Variants in SEMA3E observed in about 807,000 individuals in gnomAD.
The protein encoded by SEMA3E is semaphorin 3E, also known as semaphorin-3E.
In SEMA3E, 49 loss-of-function variants were observed where a neutral mutation model predicts 93.6. That is an observed-to-expected ratio of 0.52 (90% CI 0.42 to 0.66). The LOEUF is 0.66. SEMA3E is among the 30% of genes least tolerant of loss of function. The probability of loss-of-function intolerance (pLI) is 0.00; values close to 1 mark genes in which losing one functional copy is unlikely to be tolerated. For missense variants in SEMA3E, 906 were observed against 964.8 expected, an observed-to-expected ratio of 0.94 and a Z score of 0.81; for synonymous variants, 363 against 330.7, an observed-to-expected ratio of 1.10 and a Z score of -1.06.
Position 83,608,721 on chromosome 7 carries a change from T to G in SEMA3E, c.115+39707A>C, listed in dbSNP as rs547556739. Among the ~76,000 whole-genome samples, 113 of 152,228 alleles carry G rather than the reference T, an allele frequency of 7.4e-4. 1 individual carries two copies. The Middle Eastern group carries it at 0.01, about 14-fold the overall frequency. ...TCATGGATTGTCTTTTGGGGATCCA[T>G]GAATTGTTTGAATTCGTATGCAAGA... On this transcript the variant is annotated intron_variant, in intron 1 of 16. Coordinates refer to ENST00000643230, the MANE Select transcript of SEMA3E (RefSeq NM_012431.3).
At chr7:83,596,917 T>C (rs776153278) in intron 1 of SEMA3E, among the ~76,000 whole-genome samples, 1 of 152,158 alleles carries the variant, frequency 6.6e-6, no homozygotes. Context: ...TTTAGGAAAC[T>C]CTTCATCCTA....
Position 83,406,076 on chromosome 7 carries a change from G to A in SEMA3E, c.814-17C>T. On this transcript the variant is annotated splice_polypyrimidine_tract_variant and intron_variant, in intron 7 of 16. Transcript: ENST00000643230. ...TACATCATTCTGTGAAAACCAAAAA[G>A]GAGGTAAATAGTTACCTAAAGAATT... 6.4e-7 allele frequency: 1 copy of A among 1,552,966 alleles called. No homozygotes were observed. The highest frequency in any genetic ancestry group is 8.9e-7 in the Non-Finnish European group (1 of 1,124,704).
intron 1 of SEMA3E, among the ~76,000 whole-genome samples, chr7:83,548,608 T>C (rs1639306): frequency 0.33 from 50,576 of 151,776 alleles, 10,326 homozygotes; most frequent in African/African-American, 0.57. Flanking sequence ...GTCCACCTGG[T>C]CACCTCTGTT....
At position 83,403,988 on chromosome 7, in the gene SEMA3E, G is replaced by A. The variant is rs529179602; in HGVS notation, c.999-1212C>T. On this transcript the variant is annotated intron_variant, in intron 9 of 16. Transcript: ENST00000643230. ...TTGATTTCTCAGAAAGATCCATTACGCTATCATTTAGGAAAATAGCTTATA... is the reference window on the plus strand; with the variant it reads ...TTGATTTCTCAGAAAGATCCATTACACTATCATTTAGGAAAATAGCTTATA... 6.6e-5 allele frequency among the ~76,000 whole-genome samples: 10 copies of A among 151,958 alleles called. No individual in the cohort carries two copies. In the East Asian group the frequency reaches 1.9e-3, roughly 29 times the overall value.
chr7:83,491,261 T>C (rs73174570), intron 1 of SEMA3E, among the ~76,000 whole-genome samples: 4,425 of 152,158 alleles, frequency 0.029, 92 homozygotes, highest in African/African-American at 0.061. Flanking sequence ...AGCTGAAGTA[T>C]ATGCCTCTGT....
At chr7:83,470,862 C>CTTTTTTTTTTTTTTTT (rs60392556) in intron 2 of SEMA3E, among the ~76,000 whole-genome samples, 5 of 139,940 alleles carry the variant, frequency 3.6e-5, no homozygotes, top group African/African-American at 5.3e-5. Flanking sequence ...CCCACATTTT[C>CTTTTTTTTTTTTTTTT]TTTTTTTTTT....
intron 1 of SEMA3E, among the ~76,000 whole-genome samples, chr7:83,533,812 T>C (rs1264655958): frequency 6.6e-6 from 1 of 152,048 alleles, no homozygotes; most frequent in Non-Finnish European, 1.5e-5. Context: ...ATATTTGGAA[T>C]TGTGGCTGGC....
chr7:83,624,297 C>T (rs1480630862), intron 1 of SEMA3E, among the ~76,000 whole-genome samples: 1 of 152,172 alleles, frequency 6.6e-6, no homozygotes, highest in East Asian at 1.9e-4. Context: ...GAGGAATCGT[C>T]ACACTGTCTT....
chr7:83,418,344 A>C (rs543026751), intron 5 of SEMA3E, 46 bp downstream of exon 5: 1 of 1,329,520 alleles, frequency 7.5e-7, no homozygotes, highest in Non-Finnish European at 1.1e-6. Context: ...TATATGTTTT[A>C]AAATCCTTAT....
intron 2 of SEMA3E, among the ~76,000 whole-genome samples, chr7:83,474,095 T>TAAAAAAAAAAAA (rs11324407): frequency 2.8e-5 from 3 of 108,596 alleles, no homozygotes; most frequent in Non-Finnish European, 5.7e-5. Context: ...CTATCTCAAT[T>TAAAAAAAAAAAA]AAAAAAAAAA....
chr7:83,553,202 A>G (rs1307510899), intron 1 of SEMA3E, among the ~76,000 whole-genome samples: 1 of 152,158 alleles, frequency 6.6e-6, no homozygotes, highest in Non-Finnish European at 1.5e-5. Context: ...CGGCCAGCCG[A>G]CACTTATGGA....
chr7:83,593,292 G>C (rs1973433), intron 1 of SEMA3E, among the ~76,000 whole-genome samples: 2,113 of 35,890 alleles, frequency 0.059, 43 homozygotes, highest in African/African-American at 0.26. Flanking sequence ...CTCTGTGTGT[G>C]TGTGTGTGTG....
chr7:83,602,445 C>T (rs1793015244), intron 1 of SEMA3E, among the ~76,000 whole-genome samples: 1 of 151,850 alleles, frequency 6.6e-6, no homozygotes, highest in African/African-American at 2.4e-5. Flanking sequence ...ATGCCCTCAT[C>T]TTACCTAGAG....
rs549886552 is a variant in SEMA3E, at chr7:83,484,288, CT to C, written c.276+5825del. 8.0e-3 allele frequency among the ~76,000 whole-genome samples: 1,219 copies of C among 152,308 alleles called. 12 individuals carry two copies. The highest frequency in any genetic ancestry group is 0.012 in the Admixed American group (190 of 15,300). On this transcript the variant is annotated intron_variant, in intron 2 of 16. Transcript: ENST00000643230. Reference sequence around the variant, plus strand: ...AATAAAGATTTAAAATAATAAAACCCTAGCTGCTTTAAACTTCATATGGTCA... The same window carrying C: ...AATAAAGATTTAAAATAATAAAACCCAGCTGCTTTAAACTTCATATGGTCA...
chr7:83,364,054 C>T lies in SEMA3E; in HGVS notation c.*3532G>A, dbSNP rs931870509. The T allele has an allele frequency of 2.7e-5, 4 of 150,726 alleles. No individual in the cohort carries two copies. Among genetic ancestry groups the T allele is most frequent in the African/African-American group, 9.8e-5 (4 of 41,008 alleles). 9.3% of individuals were successfully genotyped at this position (150,726 alleles called of 1,614,324 possible). ...GGACTACAGGCGCCCGCCACCGCGC[C>T]CGGCTAATTTTTTGTATTTTTAGTA... On this transcript the variant is annotated 3_prime_UTR_variant, in exon 17 of 17. Coordinates refer to ENST00000643230, the MANE Select transcript of SEMA3E (RefSeq NM_012431.3).
intron 4 of SEMA3E, among the ~76,000 whole-genome samples, chr7:83,425,222 G>GA (rs11359603): frequency 0.24 from 35,615 of 149,074 alleles, 4,474 homozygotes; most frequent in Middle Eastern, 0.36. Context: ...TTCAATACTT[G>GA]AAAAAAAAAA....
intron 1 of SEMA3E, among the ~76,000 whole-genome samples, chr7:83,533,457 T>C (rs1791345856): frequency 6.6e-6 from 1 of 152,102 alleles, no homozygotes; most frequent in African/African-American, 2.4e-5. Context: ...GGCAGGAGAA[T>C]GGCTTGAACC....
intron 1 of SEMA3E, among the ~76,000 whole-genome samples, chr7:83,564,606 A>C (rs2115846028): frequency 6.6e-6 from 1 of 152,322 alleles, no homozygotes; most frequent in East Asian, 1.9e-4. Flanking sequence ...TGTTGCTAAC[A>C]GTTAAATTAA....
chr7:83,536,205 A>AT (rs201674365), intron 1 of SEMA3E, among the ~76,000 whole-genome samples: 2,324 of 151,986 alleles, frequency 0.015, 56 homozygotes, highest in African/African-American at 0.05. Context: ...CCAGCTTTTG[A>AT]TTTTTTTTAA....
Sources: gnomAD v4.1 joint callset for allele counts (sites outside exome capture counted in the v4.1 genomes callset) on GRCh38, gnomAD v4.1.1 for gene constraint, MANE v1.5 for transcripts, NCBI Gene and HGNC (gene_info 2026-07-23, HGNC 2026-07-21) for gene names.